CTNND2: variants seen among roughly 807,000 people sequenced by gnomAD.
CTNND2 encodes the protein catenin delta 2.
In CTNND2, 22 loss-of-function variants were observed where a neutral mutation model predicts 144.4. The ratio of observed to expected loss-of-function variants is 0.15; its 90% CI spans 0.11 to 0.22. The LOEUF (loss-of-function observed/expected upper bound fraction) is 0.22. CTNND2 is among the 10% of genes least tolerant of loss of function. The pLI, the probability that CTNND2 is intolerant of heterozygous loss-of-function variation, is 1.00. For missense variants in CTNND2, 1,353 were observed against 1,618.8 expected (o/e 0.84, Z 2.82); for synonymous variants, 751 against 695.6 (o/e 1.08, Z -1.25).
At chr5:11,876,014 T>C (rs1322151034) in intron 1 of CTNND2, among the ~76,000 whole-genome samples, 1 of 152,258 alleles carries the variant, frequency 6.6e-6, no homozygotes, top group Non-Finnish European at 1.5e-5. Context: ...ATAAATTCTC[T>C]AATTTTGTAA....
chr5:11,458,911 C>T lies in CTNND2; in HGVS notation c.288-46842G>A, dbSNP rs544257438. Among the ~76,000 whole-genome samples, 8 of 151,826 alleles carry T rather than the reference C, an allele frequency of 5.3e-5. No homozygotes were observed. The East Asian group carries it at 1.4e-3, about 26-fold the overall frequency. ...TGGAATAGCTGGGACTGTAGGCACG[C>T]ACCACCACCACGACTGTTTCTTTTC... is the stretch of plus-strand genomic sequence containing the variant. On this transcript the variant is annotated intron_variant, in intron 3 of 21. Transcript: ENST00000304623.
At chr5:11,014,794 C>T (rs868610801) in intron 18 of CTNND2, among the ~76,000 whole-genome samples, 9 of 152,132 alleles carry the variant, frequency 5.9e-5, no homozygotes, top group African/African-American at 1.4e-4. Flanking sequence ...TGACAGATGG[C>T]GCCGAATTCT....
chr5:11,042,493 C>G (rs1386752284), intron 16 of CTNND2, among the ~76,000 whole-genome samples: 1 of 152,180 alleles, frequency 6.6e-6, no homozygotes, highest in Non-Finnish European at 1.5e-5. Flanking sequence ...TCCTTATTAA[C>G]CAATGAGATG....
chr5:11,155,659 T>C (rs1312575070), intron 12 of CTNND2, among the ~76,000 whole-genome samples: 1 of 151,984 alleles, frequency 6.6e-6, no homozygotes, highest in Non-Finnish European at 1.5e-5. Flanking sequence ...CCGCTTGGCC[T>C]CTCACAATCT....
intron 1 of CTNND2, among the ~76,000 whole-genome samples, chr5:11,791,714 C>T (rs1791145385): frequency 6.6e-6 from 1 of 152,180 alleles, no homozygotes; most frequent in Admixed American, 6.5e-5. Flanking sequence ...GAATCTGGGA[C>T]ATTGAGGCTC....
At chr5:11,713,943 G>A (rs912706678) in intron 2 of CTNND2, among the ~76,000 whole-genome samples, 3 of 152,128 alleles carry the variant, frequency 2.0e-5, no homozygotes, top group African/African-American at 4.8e-5. Flanking sequence ...GCAGGGGGGC[G>A]GGACTCTGAG....
chr5:11,509,529 A>G (rs1771430327), intron 3 of CTNND2, among the ~76,000 whole-genome samples: 1 of 152,236 alleles, frequency 6.6e-6, no homozygotes, highest in African/African-American at 2.4e-5. Context: ...AGCGGATCAC[A>G]TAAGAGAAGC....
chr5:11,139,178 C>T (rs1414864462), intron 12 of CTNND2, among the ~76,000 whole-genome samples: 1 of 152,130 alleles, frequency 6.6e-6, no homozygotes, highest in African/African-American at 2.4e-5. Flanking sequence ...CCAGGCTGGT[C>T]TCAAACTCCT....
intron 18 of CTNND2, among the ~76,000 whole-genome samples, chr5:11,007,067 G>C (rs1275907104): frequency 6.6e-6 from 1 of 152,186 alleles, no homozygotes; most frequent in East Asian, 1.9e-4. Flanking sequence ...ACTGGGGAAA[G>C]GTAACCCAAT....
chr5:10,985,662 T>A (rs149686797), intron 20 of CTNND2, among the ~76,000 whole-genome samples: 184 of 152,342 alleles, frequency 1.2e-3, no homozygotes, highest in African/African-American at 4.2e-3. Flanking sequence ...TATCTTTCAA[T>A]GCACTGAACT....
chr5:11,060,587 C>T (rs1746853206), intron 16 of CTNND2, among the ~76,000 whole-genome samples: 1 of 150,642 alleles, frequency 6.6e-6, no homozygotes, highest in Non-Finnish European at 1.5e-5. Flanking sequence ...CCTCATGTCC[C>T]ATATTTTTTC....
chr5:11,129,176 T>TTTATA (rs1561352890), intron 12 of CTNND2, among the ~76,000 whole-genome samples: 1 of 24,614 alleles, frequency 4.1e-5, no homozygotes, highest in South Asian at 1.1e-3. Flanking sequence ...ATATTATATA[T>TTTATA]TTTATATATA....
At chr5:11,669,677 T>C (rs533700511) in intron 2 of CTNND2, among the ~76,000 whole-genome samples, 2 of 152,042 alleles carry the variant, frequency 1.3e-5, no homozygotes, top group East Asian at 3.9e-4. Flanking sequence ...TCCTATTTTG[T>C]TGATCTTTTT....
At chr5:11,084,806 T>A (rs995365691) in intron 15 of CTNND2, among the ~76,000 whole-genome samples, 9 of 152,136 alleles carry the variant, frequency 5.9e-5, no homozygotes, top group Admixed American at 1.3e-4. Context: ...GGGGGAAATT[T>A]AGGCACAAAG....
At chr5:11,169,735 G>A (rs561209104) in intron 11 of CTNND2, among the ~76,000 whole-genome samples, 80 of 152,172 alleles carry the variant, frequency 5.3e-4, no homozygotes, top group Admixed American at 1.3e-3. Context: ...CAACATAAGC[G>A]CGCTAATTGA....
At chr5:11,134,614 T>C (rs910975807) in intron 12 of CTNND2, among the ~76,000 whole-genome samples, 1 of 152,254 alleles carries the variant, frequency 6.6e-6, no homozygotes. Flanking sequence ...AAGTTTTAGA[T>C]AAACATCGTT....
At chr5:11,883,550 T>C (rs1483743101) in intron 1 of CTNND2, among the ~76,000 whole-genome samples, 9 of 152,194 alleles carry the variant, frequency 5.9e-5, no homozygotes, top group Admixed American at 5.2e-4. Context: ...ACGGTGTATA[T>C]GTGCCATATT....
At chr5:11,378,624 A>C (rs1411068168) in intron 7 of CTNND2, among the ~76,000 whole-genome samples, 1 of 152,200 alleles carries the variant, frequency 6.6e-6, no homozygotes, top group Admixed American at 6.5e-5. Flanking sequence ...GCTTTCCAAA[A>C]TGAATTGAAA....
At chr5:11,675,437 G>A (rs981342506) in intron 2 of CTNND2, among the ~76,000 whole-genome samples, 2 of 152,074 alleles carry the variant, frequency 1.3e-5, no homozygotes, top group Non-Finnish European at 2.9e-5. Context: ...GTGGGAGGGA[G>A]GAAAGGCAAC....
Sources: allele counts gnomAD v4.1 joint callset (sites outside exome capture counted in the v4.1 genomes callset), GRCh38; gene constraint gnomAD v4.1.1; transcripts MANE v1.5; gene names NCBI Gene and HGNC (gene_info 2026-07-23, HGNC 2026-07-21).